Variants in IQCE observed in about 807,000 individuals in gnomAD.
IQCE encodes IQ domain-containing protein E.
IQCE carries 115 observed loss-of-function variants against 96.0 expected under a neutral mutation model. The ratio of observed to expected loss-of-function variants is 1.20; its 90% CI spans 1.03 to 1.40. The LOEUF (loss-of-function observed/expected upper bound fraction) is 1.40, where lower values mean the gene tolerates loss of function less well. Ranked by LOEUF, IQCE falls within the 40% of genes most tolerant of loss-of-function variation. The pLI is 0.00. For missense variants in IQCE, 1,041 were observed against 909.1 expected, an observed-to-expected ratio of 1.15 and a Z score of -1.87; for synonymous variants, 412 against 371.2, an observed-to-expected ratio of 1.11 and a Z score of -1.26.
Position 2,571,603 on chromosome 7 carries a change from G to A in IQCE, c.208G>A (p.Gly70Ser), listed in dbSNP as rs1393720067. The A allele has an allele frequency of 6.2e-7, 1 of 1,602,388 alleles. No homozygotes were observed. The highest frequency in any genetic ancestry group is 8.5e-7 in the Non-Finnish European group (1 of 1,179,948). ...LRTAGSMPLG[G>S]RASLTPQKLW... The stretch of plus-strand genomic sequence containing the variant: ...GACGGCAGGGAGCATGCCTCTGGGC[G>A]GCCGAGCGTCCCTGACCCCGCAGAA... The change falls in exon 4 of 22, where the codon GGC (glycine) becomes AGC (serine). Residue 70 changes from glycine to serine, a missense_variant. Physicochemically the swap from Gly to Ser is moderately conservative, Grantham distance 56. Coordinates refer to ENST00000402050, the MANE Select transcript of IQCE (RefSeq NM_152558.5).
chr7:2,576,261 G>A (rs1782116573), intron 6 of IQCE, among the ~76,000 whole-genome samples: 1 of 152,328 alleles, frequency 6.6e-6, no homozygotes, highest in East Asian at 1.9e-4. Context: ...GGCTGAGGCT[G>A]GGAGCTGGTG....
intron 6 of IQCE, among the ~76,000 whole-genome samples, chr7:2,577,059 C>T (rs1782182136): frequency 6.6e-6 from 1 of 152,174 alleles, no homozygotes; most frequent in African/African-American, 2.4e-5. Context: ...ACGTCCCCAC[C>T]CACTAAATGC....
chr7:2,569,137 CT>C, intron 3 of IQCE, 138 bp downstream of exon 3: 1 of 776,368 alleles, frequency 1.3e-6, no homozygotes, highest in Non-Finnish European at 2.1e-6. Flanking sequence ...CCACTGGGGT[CT>C]CCCAGTTCGC....
chr7:2,561,303 A>T (rs554601618), intron 1 of IQCE, among the ~76,000 whole-genome samples: 2 of 152,206 alleles, frequency 1.3e-5, no homozygotes, highest in African/African-American at 4.8e-5. Flanking sequence ...ATATTTTTCA[A>T]TGTACAAAGC....
At chr7:2,581,740 C>CACTCT (rs1782680329) in intron 8 of IQCE, among the ~76,000 whole-genome samples, 1 of 146,054 alleles carries the variant, frequency 6.8e-6, no homozygotes, top group Non-Finnish European at 1.5e-5. Flanking sequence ...GATGGAGTCT[C>CACTCT]GCTCTGTCAC....
chr7:2,584,321 T>G, intron 11 of IQCE, 36 bp downstream of exon 11: 3 of 1,601,488 alleles, frequency 1.9e-6, no homozygotes, highest in Non-Finnish European at 2.6e-6. Context: ...TTTTGTGTGT[T>G]GCCTTCACGT....
chr7:2,610,606 C>A lies in IQCE; in HGVS notation c.*444C>A. ...ATTTGCTCGATCTCAGCCCAGCAGG[C>A]CAGGCAGACACACCCCGCTGTGCCT... On this transcript the variant is annotated 3_prime_UTR_variant, in exon 22 of 22. Coordinates refer to ENST00000402050, the MANE Select transcript of IQCE (RefSeq NM_152558.5). The A allele has an allele frequency of 5.5e-6, 1 of 180,702 alleles. No homozygotes were observed. Among genetic ancestry groups the A allele is most frequent in the Non-Finnish European group, 1.2e-5 (1 of 85,376 alleles). 11.2% of individuals were successfully genotyped at this position (180,702 alleles called of 1,614,324 possible).
At chr7:2,589,738 C>T (rs1284452916) in intron 13 of IQCE, among the ~76,000 whole-genome samples, 169 bp from the exon 14 acceptor site, 2 of 152,182 alleles carry the variant, frequency 1.3e-5, no homozygotes, top group Non-Finnish European at 2.9e-5. Context: ...CATGCTCTTC[C>T]AGTAGCTTGT....
At chr7:2,604,787 G>A (rs1487751739) in intron 18 of IQCE, 94 bp from the exon 19 acceptor site, 2 of 812,274 alleles carry the variant, frequency 2.5e-6, no homozygotes, top group Non-Finnish European at 4.1e-6. Context: ...GTTCCCTGCT[G>A]CCGTGGCAGC....
chr7:2,601,835 C>G (rs1322663321), intron 18 of IQCE: 1 of 228,188 alleles, frequency 4.4e-6, no homozygotes, highest in Non-Finnish European at 8.5e-6. Flanking sequence ...CAGGCGTGAG[C>G]CACCGCGCCC....
At chr7:2,596,099 A>C (rs900581282) in intron 16 of IQCE, among the ~76,000 whole-genome samples, 5 of 152,202 alleles carry the variant, frequency 3.3e-5, no homozygotes, top group African/African-American at 1.2e-4. Context: ...TTGCTCTAAG[A>C]GGAGCTCATG....
At chr7:2,587,713 G>A (rs958569204) in intron 12 of IQCE, 109 bp from the exon 13 acceptor site, 23 of 1,113,102 alleles carry the variant, frequency 2.1e-5, no homozygotes, top group African/African-American at 1.2e-4. Flanking sequence ...CTGCAGCCCC[G>A]CAGGCTGCTC....
At chr7:2,606,215 C>T (rs116120454) in intron 20 of IQCE, among the ~76,000 whole-genome samples, 363 of 152,258 alleles carry the variant, frequency 2.4e-3, no homozygotes, top group African/African-American at 8.4e-3. Flanking sequence ...GTGTGATCCT[C>T]GGGGGAGGCC....
rs1447604703 is a variant in IQCE, at chr7:2,583,676, G to C, written c.741G>C (p.Glu247Asp). ...ATATGAAGACTACCAACCTGGAAGA[G>C]ATGCGGATCGCCATGGAGACATACT... ...QTDMKTTNLE[E>D]MRIAMETYYE... Residue 247 changes from glutamate to aspartate, a missense_variant, in exon 10 of 22, where the codon GAG becomes GAC. Physicochemically the swap from Glu to Asp is conservative, Grantham distance 45. Transcript: ENST00000402050. 2 of 1,568,196 alleles carry C rather than the reference G, an allele frequency of 1.3e-6. No individual in the cohort carries two copies. Among genetic ancestry groups the C allele is most frequent in the East Asian group, 4.8e-5 (2 of 41,850 alleles).
At chr7:2,582,165 C>T (rs1782724346) in intron 8 of IQCE, 2 of 432,680 alleles carry the variant, frequency 4.6e-6, no homozygotes, top group Non-Finnish European at 9.3e-6. Context: ...CTCCCACCCT[C>T]ACTCACTGCC....
rs62439480 is a variant in IQCE at position 2,586,420 on chromosome 7, A to C, written c.988+49A>C. ...GGAGGGAGGCCAGGGAATGGCAGGG[A>C]ATGGCAGGGCATGGCCACTGGGTAG... On this transcript the variant is annotated intron_variant, in intron 12 of 21. Coordinates refer to ENST00000402050, the MANE Select transcript of IQCE (RefSeq NM_152558.5). 956 of 417,844 alleles carry C rather than the reference A, an allele frequency of 2.3e-3. 2 individuals are homozygous for C. Among genetic ancestry groups the C allele is most frequent in the Non-Finnish European group, 3.3e-3 (853 of 262,302 alleles). The allele number at this position is 417,844 out of a possible 1,614,324, so 25.9% of individuals were successfully genotyped here.
chr7:2,587,987 C>G, intron 13 of IQCE, 110 bp downstream of exon 13: 10 of 1,012,666 alleles, frequency 9.9e-6, no homozygotes, highest in Non-Finnish European at 1.6e-5. Context: ...GGCTGTCTGC[C>G]AGGCAGCGCC....
chr7:2,570,336 C>T (rs115978598), intron 3 of IQCE, among the ~76,000 whole-genome samples: 1,541 of 151,982 alleles, frequency 0.01, 20 homozygotes, highest in African/African-American at 0.035. Context: ...CCTTCCTACT[C>T]GCCGATAAGC....
At chr7:2,604,466 G>A (rs1046787474) in intron 18 of IQCE, among the ~76,000 whole-genome samples, 3 of 152,222 alleles carry the variant, frequency 2.0e-5, no homozygotes, top group African/African-American at 7.2e-5. Context: ...TCACTTCAGA[G>A]GTCTTGTGGC....
Sources: gnomAD v4.1 joint callset for allele counts (sites outside exome capture counted in the v4.1 genomes callset) on GRCh38, gnomAD v4.1.1 for gene constraint, MANE v1.5 for transcripts, NCBI Gene and HGNC (gene_info 2026-07-23, HGNC 2026-07-21) for gene names.